The following ERBB4 variants were observed in gnomAD, a reference collection of about 807,000 sequenced individuals.
ERBB4 encodes erb-b2 receptor tyrosine kinase 4, also known as receptor tyrosine-protein kinase erbB-4.
Under a neutral mutation model 158.0 loss-of-function variants are expected in ERBB4, and 42 were observed. The ratio of observed to expected loss-of-function variants is 0.27; its 90% CI spans 0.21 to 0.34. The LOEUF (loss-of-function observed/expected upper bound fraction) is 0.34. ERBB4 is among the 10% of genes least tolerant of loss of function. The pLI is 1.00. For missense variants in ERBB4, 1,333 were observed against 1,624.1 expected (o/e 0.82, Z 3.08); for synonymous variants, 583 against 558.7 (o/e 1.04, Z -0.61).
intron 25 of ERBB4, among the ~76,000 whole-genome samples, chr2:211,407,653 GC>G (rs2063173336): frequency 6.6e-6 from 1 of 152,240 alleles, no homozygotes; most frequent in East Asian, 1.9e-4. Context: ...TCTCAATTCA[GC>G]TTTTGCTCAA....
At chr2:211,558,106 C>G (rs1256832638) in intron 20 of ERBB4, among the ~76,000 whole-genome samples, 3 of 152,100 alleles carry the variant, frequency 2.0e-5, no homozygotes, top group Non-Finnish European at 4.4e-5. Context: ...TAGGGCCTAC[C>G]TTAGGGTGAA....
chr2:211,405,846 A>G (rs2063135130), intron 25 of ERBB4, among the ~76,000 whole-genome samples: 1 of 152,174 alleles, frequency 6.6e-6, no homozygotes, highest in South Asian at 2.1e-4. Context: ...ATGTTTTAAA[A>G]TATTAATTAC....
rs760450205 is a variant in ERBB4 at position 211,964,957 on chromosome 2, T to C, written c.235-17341A>G. The stretch of plus-strand genomic sequence containing the variant: ...TTTTTACTTAGAATATAAAATTTAA[T>C]GTTATTATTTCCATGTTACCTTTTA... On this transcript the variant is annotated intron_variant, in intron 2 of 27. Coordinates refer to ENST00000342788, the MANE Select transcript of ERBB4 (RefSeq NM_005235.3). Among the ~76,000 whole-genome samples the C allele has an allele frequency of 4.6e-5, 7 of 152,314 alleles. No individual in the cohort carries two copies. In the South Asian group the frequency reaches 1.4e-3, roughly 32 times the overall value.
chr2:211,729,452 A>G (rs1395135789), intron 5 of ERBB4, among the ~76,000 whole-genome samples: 1 of 151,828 alleles, frequency 6.6e-6, no homozygotes, highest in East Asian at 1.9e-4. Context: ...AAAGGTAGGC[A>G]AAAAGAACAA....
chr2:211,436,890 C>T (rs1180153419), intron 20 of ERBB4, among the ~76,000 whole-genome samples: 4 of 152,116 alleles, frequency 2.6e-5, no homozygotes, highest in African/African-American at 9.7e-5. Context: ...TCTATAAATA[C>T]ATCACCGACT....
At chr2:211,966,205 C>T (rs891671603) in intron 2 of ERBB4, among the ~76,000 whole-genome samples, 1 of 152,008 alleles carries the variant, frequency 6.6e-6, no homozygotes, top group Admixed American at 6.6e-5. Flanking sequence ...CAGAGTGAGA[C>T]CCTGTCTTAA....
intron 1 of ERBB4, among the ~76,000 whole-genome samples, chr2:212,145,161 G>T (rs1270777268): frequency 6.6e-6 from 1 of 152,000 alleles, no homozygotes; most frequent in Non-Finnish European, 1.5e-5. Context: ...TTTAAAAATT[G>T]TAGTTAAAAC....
At chr2:211,691,596 G>GTT (rs897188990) in intron 12 of ERBB4, among the ~76,000 whole-genome samples, 11 of 143,680 alleles carry the variant, frequency 7.7e-5, no homozygotes, top group Admixed American at 2.0e-4. Context: ...GTGTGTGTGT[G>GTT]TGTGTGTATA....
At chr2:211,724,935 T>A in intron 6 of ERBB4, 141 bp downstream of exon 6, 1 of 710,890 alleles carries the variant, frequency 1.4e-6, no homozygotes, top group Non-Finnish European at 2.6e-6. Context: ...GGGAATGACT[T>A]TGAGGAGGGC....
At chr2:212,291,900 A>C (rs1453088664) in intron 1 of ERBB4, among the ~76,000 whole-genome samples, 3 of 152,048 alleles carry the variant, frequency 2.0e-5, no homozygotes, top group Non-Finnish European at 2.9e-5. Flanking sequence ...TGTAGGGAAG[A>C]AAAGAAATTT....
intron 9 of ERBB4, among the ~76,000 whole-genome samples, chr2:211,710,998 G>A (rs1392787653): frequency 1.3e-5 from 2 of 150,680 alleles, no homozygotes; most frequent in Admixed American, 6.6e-5. Flanking sequence ...GGCCGACAAT[G>A]ACCAAGTCTA....
chr2:212,413,629 T>C (rs540594909), intron 1 of ERBB4, among the ~76,000 whole-genome samples: 1 of 152,246 alleles, frequency 6.6e-6, no homozygotes, highest in Admixed American at 6.5e-5. Flanking sequence ...AGTAATACGA[T>C]ATGGGAACAG....
intron 19 of ERBB4, among the ~76,000 whole-genome samples, chr2:211,582,073 T>C (rs889200240): frequency 2.0e-5 from 3 of 152,162 alleles, no homozygotes; most frequent in African/African-American, 4.8e-5. Context: ...TTTGCACATA[T>C]CTTCTGGTGA....
chr2:211,447,017 GC>G (rs1453900066), intron 20 of ERBB4, among the ~76,000 whole-genome samples: 6 of 151,952 alleles, frequency 3.9e-5, no homozygotes, highest in African/African-American at 1.5e-4. Flanking sequence ...AAACAACAAA[GC>G]AACATTCACA....
intron 3 of ERBB4, among the ~76,000 whole-genome samples, chr2:211,882,405 A>T (rs1435882024): frequency 3.9e-5 from 6 of 152,028 alleles, no homozygotes; most frequent in Non-Finnish European, 8.8e-5. Flanking sequence ...TTTTAAATCA[A>T]TTTTCTGATG....
chr2:211,963,787 TAAAC>T (rs1458467088), intron 2 of ERBB4, among the ~76,000 whole-genome samples: 4 of 152,184 alleles, frequency 2.6e-5, no homozygotes, highest in South Asian at 2.1e-4. Context: ...AGCAAATTTA[TAAAC>T]AAACAAAGTC....
At chr2:212,048,600 A>C (rs1164074841) in intron 2 of ERBB4, among the ~76,000 whole-genome samples, 1 of 152,194 alleles carries the variant, frequency 6.6e-6, no homozygotes, top group Non-Finnish European at 1.5e-5. Flanking sequence ...TTTGAAATGG[A>C]AGAGACTGGG....
intron 3 of ERBB4, among the ~76,000 whole-genome samples, chr2:211,817,422 C>T (rs538363707): frequency 3.9e-4 from 59 of 152,292 alleles, no homozygotes; most frequent in African/African-American, 1.4e-3. Flanking sequence ...TTGCAAAAAT[C>T]TGGTTATTAC....
intron 20 of ERBB4, among the ~76,000 whole-genome samples, chr2:211,527,846 A>T (rs1474721744): frequency 6.6e-6 from 1 of 152,024 alleles, no homozygotes; most frequent in Non-Finnish European, 1.5e-5. Context: ...CTCAAATTTT[A>T]AAAAAATGCA....
Sources: gnomAD v4.1 joint callset for allele counts (sites outside exome capture counted in the v4.1 genomes callset) on GRCh38, gnomAD v4.1.1 for gene constraint, MANE v1.5 for transcripts, NCBI Gene and HGNC (gene_info 2026-07-23, HGNC 2026-07-21) for gene names.